The following ECI2 variants were observed in gnomAD, a reference collection of about 807,000 sequenced individuals.
ECI2 encodes the protein D3,D2-enoyl-CoA isomerase.
A neutral mutation model predicts 38.4 loss-of-function variants in ECI2; 27 were observed. That is an observed-to-expected ratio of 0.70 (90% CI 0.52 to 0.97). ECI2 has a LOEUF of 0.97. ECI2 is among the 50% of genes least tolerant of loss of function. The pLI is 0.00. For synonymous variants in ECI2, 168 were observed against 172.0 expected (o/e 0.98, Z 0.18); for missense variants, 470 against 474.4 (o/e 0.99, Z 0.09).
chr6:4,122,410 G>A (rs1169384740), intron 7 of ECI2, among the ~76,000 whole-genome samples: 6 of 151,964 alleles, frequency 3.9e-5, no homozygotes, highest in African/African-American at 9.7e-5. Flanking sequence ...TAGTAGAGAC[G>A]GGGCTTCACC....
At chr6:4,125,860 T>C in intron 6 of ECI2, 2 of 544,934 alleles carry the variant, frequency 3.7e-6, no homozygotes, top group South Asian at 3.5e-5. Context: ...TTCCTCTGCC[T>C]CAGTGCAAGA....
At chr6:4,131,137 T>G (rs1270003600) in intron 2 of ECI2, among the ~76,000 whole-genome samples, 1 of 152,174 alleles carries the variant, frequency 6.6e-6, no homozygotes, top group African/African-American at 2.4e-5. Flanking sequence ...AAAAATCTAA[T>G]GGTTCATTAG....
At chr6:4,135,229 G>A (rs1773670131) in intron 1 of ECI2, 1 of 921,758 alleles carries the variant, frequency 1.1e-6, no homozygotes, top group East Asian at 3.0e-5. Context: ...AGGAGGATGG[G>A]AGCGTGCGCG....
intron 7 of ECI2, among the ~76,000 whole-genome samples, chr6:4,120,482 T>G (rs1256277954): frequency 6.6e-6 from 1 of 152,022 alleles, no homozygotes; most frequent in Non-Finnish European, 1.5e-5. Context: ...ATCCCAACAC[T>G]TTGGGAGGCA....
chr6:4,133,613 A>C lies in ECI2; in HGVS notation c.149T>G (p.Val50Gly). The C allele has an allele frequency of 6.2e-7, 1 of 1,613,876 alleles. No homozygotes were observed. The highest frequency in any genetic ancestry group is 1.3e-5 in the African/African-American group (1 of 74,996). Residue 50 changes from valine to glycine, a missense_variant, in exon 2 of 10, where the codon GTG (valine) becomes GGG (glycine). Transcript: ENST00000380118. ...TCCTGGATCCTTTTTCAAGAGTTTCACTTGATTCATTGAATTTTCAAAGTC... is the reference window on the plus strand; with the variant it reads ...TCCTGGATCCTTTTTCAAGAGTTTCCCTTGATTCATTGAATTTTCAAAGTC... ...QKDFENSMNQ[V>G]KLLKKDPGNE...
Position 4,115,975 on chromosome 6 carries a change from C to T in ECI2, c.1084G>A (p.Ala362Thr), listed in dbSNP as rs147997142. 2.0e-4 allele frequency: 328 copies of T among 1,614,016 alleles called. 1 individual carries two copies. The highest frequency in any genetic ancestry group is 6.7e-5 in the African/African-American group (5 of 74,930). Residue 362 changes from alanine (A) to threonine (T), a missense_variant, in exon 10 of 10, where the codon GCT (alanine) becomes ACT (threonine). Physicochemically the swap from Ala to Thr is moderately conservative, Grantham distance 58. Transcript: ENST00000380118. ...ACATTGCATTCTTCAGCATTAACAG[C>T]GTGTAGTTTTTCTCTCTCTCTTTTC... ...IRKREREKLH[A>T]VNAEECNVLQ... is the part of the protein sequence containing the mutation.
intron 7 of ECI2, among the ~76,000 whole-genome samples, chr6:4,121,749 T>A (rs886160161): frequency 2.0e-5 from 3 of 151,948 alleles, no homozygotes; most frequent in Non-Finnish European, 4.4e-5. Flanking sequence ...GAATAAATTA[T>A]GAAAGAATGT....
At chr6:4,135,146 A>C in intron 1 of ECI2, 1 of 545,816 alleles carries the variant, frequency 1.8e-6, no homozygotes, top group Non-Finnish European at 3.5e-6. Context: ...TTTGCACCCC[A>C]GAAGCAGCCC....
At chr6:4,117,264 G>T (rs987801609) in intron 9 of ECI2, 44 bp downstream of exon 9, 14 of 1,545,058 alleles carry the variant, frequency 9.1e-6, no homozygotes, top group Non-Finnish European at 1.2e-5. Flanking sequence ...TTTCCCTTAG[G>T]AAATCATTTT....
At chr6:4,130,298 C>G in intron 4 of ECI2, 74 bp downstream of exon 4, 3 of 1,613,708 alleles carry the variant, frequency 1.9e-6, no homozygotes, top group Non-Finnish European at 2.5e-6. Context: ...GATGCTGAAA[C>G]TCTACAGCTT....
At chr6:4,135,308 T>A in intron 1 of ECI2, 2 of 1,432,124 alleles carry the variant, frequency 1.4e-6, no homozygotes, top group Non-Finnish European at 9.3e-7. Flanking sequence ...GCGCCCATCC[T>A]GACCACTCCG....
chr6:4,130,341 C>G, intron 4 of ECI2, 31 bp downstream of exon 4: 2 of 1,614,104 alleles, frequency 1.2e-6, no homozygotes, highest in Non-Finnish European at 1.7e-6. Flanking sequence ...GAAAGTAAAA[C>G]AGGACAAACT....
chr6:4,123,584 A>C (rs112744985), intron 7 of ECI2, among the ~76,000 whole-genome samples: 1 of 150,338 alleles, frequency 6.7e-6, no homozygotes, highest in Admixed American at 6.7e-5. Context: ...TAGAATAGAT[A>C]TGTTTTATAT....
At chr6:4,121,560 C>T in intron 7 of ECI2, among the ~76,000 whole-genome samples, 1 of 151,972 alleles carries the variant, frequency 6.6e-6, no homozygotes, top group East Asian at 1.9e-4. Context: ...GAGAGATCAG[C>T]TTTTGTTACA....
At chr6:4,125,473 G>GAAACACCCAGCC in intron 6 of ECI2, 103 bp from the exon 7 acceptor site, 1 of 1,525,144 alleles carries the variant, frequency 6.6e-7, no homozygotes, top group Non-Finnish European at 8.8e-7. Context: ...GTCAGGCTGG[G>GAAACACCCAGCC]TGTTTCCACA....
chr6:4,124,251 G>C lies in ECI2; in HGVS notation c.795+999C>G, dbSNP rs187711046. ...CTAGAATCTCATTTGCTAATTTTGTGGGAAAATTATTCATAAGAATTAGGT... is the reference window on the plus strand; with the variant it reads ...CTAGAATCTCATTTGCTAATTTTGTCGGAAAATTATTCATAAGAATTAGGT... On this transcript the variant is annotated intron_variant, in intron 7 of 9. Coordinates refer to ENST00000380118, the MANE Select transcript of ECI2 (RefSeq NM_206836.3). Among the ~76,000 whole-genome samples the C allele has an allele frequency of 5.3e-5, 8 of 152,252 alleles. No individual in the cohort carries two copies. In the East Asian group the frequency reaches 1.5e-3, roughly 29 times the overall value.
intron 8 of ECI2, 52 bp from the exon 9 acceptor site, chr6:4,117,503 G>T (rs978617134): frequency 1.9e-6 from 3 of 1,587,142 alleles, no homozygotes; most frequent in African/African-American, 2.7e-5. Context: ...ATAAAACAAG[G>T]CTTCAGTTAA....
chr6:4,128,277 A>G (rs1039417357), intron 4 of ECI2, among the ~76,000 whole-genome samples: 1 of 151,930 alleles, frequency 6.6e-6, no homozygotes, highest in Non-Finnish European at 1.5e-5. Context: ...CTACAAAGCA[A>G]CGTCTCTGTT....
intron 7 of ECI2, chr6:4,124,931 A>G (rs1304800913): frequency 6.5e-6 from 3 of 458,588 alleles, no homozygotes; most frequent in Non-Finnish European, 1.3e-5. Flanking sequence ...CAAAGATGCT[A>G]TTCCTCCCTC....
Sources: gnomAD v4.1 joint callset for allele counts (sites outside exome capture counted in the v4.1 genomes callset) on GRCh38, gnomAD v4.1.1 for gene constraint, MANE v1.5 for transcripts, NCBI Gene and HGNC (gene_info 2026-07-23, HGNC 2026-07-21) for gene names.